The following POU6F2 variants were observed in gnomAD, a reference collection of about 807,000 sequenced individuals.
POU6F2 encodes POU class 6 homeobox 2.
POU6F2 carries 31 observed loss-of-function variants against 71.3 expected under a neutral mutation model. The observed-to-expected ratio is 0.43, with a 90% CI of 0.33 to 0.59. The LOEUF is 0.59. Ranked by LOEUF, POU6F2 falls within the 20% of genes least tolerant of loss-of-function variation. The pLI is 0.04. For missense variants in POU6F2, 783 were observed against 856.8 expected, an observed-to-expected ratio of 0.91 and a Z score of 1.07; for synonymous variants, 347 against 355.7, an observed-to-expected ratio of 0.98 and a Z score of 0.27.
chr7:39,009,329 G>C lies in POU6F2; in HGVS notation c.105+31271G>C, dbSNP rs1001192850. Among the ~76,000 whole-genome samples the C allele has an allele frequency of 4.6e-5, 7 of 151,868 alleles. No homozygotes were observed. The South Asian group carries it at 6.3e-4, about 14-fold the overall frequency. ...TCATGATTTGGCTCTCTGTTTGTCT[G>C]TTGTTGGTGTATAAGAATGCTTGTG... On this transcript the variant is annotated intron_variant, in intron 1 of 9. Transcript: ENST00000518318.
chr7:39,143,511 C>T (rs1792550465), intron 2 of POU6F2, among the ~76,000 whole-genome samples: 1 of 152,188 alleles, frequency 6.6e-6, no homozygotes. Flanking sequence ...TATTAAATAG[C>T]ATTCTATGCA....
chr7:39,438,409 T>C (rs756766003), intron 7 of POU6F2, among the ~76,000 whole-genome samples: 7 of 152,232 alleles, frequency 4.6e-5, no homozygotes, highest in African/African-American at 7.2e-5. Context: ...TAAACATACA[T>C]GTGCATGTGT....
intron 1 of POU6F2, among the ~76,000 whole-genome samples, chr7:39,079,472 C>G (rs1441069466): frequency 6.6e-6 from 1 of 152,118 alleles, no homozygotes; most frequent in African/African-American, 2.4e-5. Flanking sequence ...CCACCGTGCC[C>G]GGCCAAGTCT....
intron 5 of POU6F2, among the ~76,000 whole-genome samples, chr7:39,378,363 A>G (rs575723221): frequency 1.3e-5 from 2 of 152,090 alleles, no homozygotes; most frequent in Admixed American, 1.3e-4. Context: ...TTCCTTATCC[A>G]TGCTCCCCTG....
intron 5 of POU6F2, among the ~76,000 whole-genome samples, chr7:39,363,286 A>G (rs553958758): frequency 1.3e-5 from 2 of 152,280 alleles, no homozygotes; most frequent in South Asian, 4.1e-4. Context: ...GATGTCTGCA[A>G]CGATTTTGAC....
chr7:38,995,517 AG>A (rs1788711736), intron 1 of POU6F2, among the ~76,000 whole-genome samples: 1 of 148,664 alleles, frequency 6.7e-6, no homozygotes, highest in Non-Finnish European at 1.5e-5. Flanking sequence ...GAAAAAAAAG[AG>A]AGAGGACTAA....
chr7:39,218,457 T>TAA (rs555237156), intron 4 of POU6F2, among the ~76,000 whole-genome samples: 458 of 152,302 alleles, frequency 3.0e-3, no homozygotes, highest in Admixed American at 8.1e-3. Context: ...TATCTTCTCT[T>TAA]ACGTGTGTAA....
chr7:39,272,542 T>C (rs1784360364), intron 4 of POU6F2, among the ~76,000 whole-genome samples: 1 of 152,190 alleles, frequency 6.6e-6, no homozygotes, highest in Non-Finnish European at 1.5e-5. Flanking sequence ...TTAGCTCAAC[T>C]TTGGGAGTGG....
At chr7:39,304,381 C>T (rs1785012527) in intron 4 of POU6F2, among the ~76,000 whole-genome samples, 1 of 152,136 alleles carries the variant, frequency 6.6e-6, no homozygotes, top group Non-Finnish European at 1.5e-5. Flanking sequence ...GTCTCTTGGA[C>T]GTCTGAACAA....
intron 5 of POU6F2, among the ~76,000 whole-genome samples, chr7:39,376,528 G>A (rs2115774911): frequency 6.6e-6 from 1 of 152,220 alleles, no homozygotes; most frequent in East Asian, 1.9e-4. Context: ...AAAAGACTCG[G>A]TCCAGTCTGG....
At chr7:39,069,740 GA>G in intron 1 of POU6F2, among the ~76,000 whole-genome samples, 1 of 152,262 alleles carries the variant, frequency 6.6e-6, no homozygotes, top group South Asian at 2.1e-4. Context: ...AAATCTTAAG[GA>G]AAAGAAAATA....
At position 39,203,138 on chromosome 7, in the gene POU6F2, A is replaced by C. The variant is rs1793941262; in HGVS notation, c.278-1097A>C. ...TTTTCCCCCATTTCCATTATTTATA[A>C]GTCTGTCCCTTTGGAGAATATATAG... On this transcript the variant is annotated intron_variant, in intron 2 of 9. Coordinates refer to ENST00000518318, the MANE Select transcript of POU6F2 (RefSeq NM_001370959.1). Among the ~76,000 whole-genome samples the C allele has an allele frequency of 4.6e-5, 7 of 152,330 alleles. No homozygotes were observed. In the South Asian group the frequency reaches 1.5e-3, roughly 32 times the overall value.
rs182496326 is a variant in POU6F2 at position 39,188,642 on chromosome 7, C to T, written c.278-15593C>T. On this transcript the variant is annotated intron_variant, in intron 2 of 9. Coordinates refer to ENST00000518318, the MANE Select transcript of POU6F2 (RefSeq NM_001370959.1). ...TCTGATTTTTAGAGACTCTTTTTAT[C>T]TTCTAAGGGTTCTGGTTACGGGATT... is the stretch of plus-strand genomic sequence containing the variant. Among the ~76,000 whole-genome samples, 255 of 152,288 alleles carry T rather than the reference C, an allele frequency of 1.7e-3. 1 individual carries two copies. The highest frequency in any genetic ancestry group is 5.7e-3 in the African/African-American group (238 of 41,566).
chr7:39,052,340 A>G lies in POU6F2; in HGVS notation c.106-33520A>G, dbSNP rs571979013. On this transcript the variant is annotated intron_variant, in intron 1 of 9. Coordinates refer to ENST00000518318, the MANE Select transcript of POU6F2 (RefSeq NM_001370959.1). The stretch of plus-strand genomic sequence containing the variant: ...TTCTCACATGGCTATGAAGAAATAC[A>G]TGAGACTGGGTAATTTATTAAGAAT... 7.9e-5 allele frequency among the ~76,000 whole-genome samples: 12 copies of G among 152,282 alleles called. No individual in the cohort carries two copies. In the East Asian group the frequency reaches 1.4e-3, roughly 17 times the overall value.
intron 5 of POU6F2, among the ~76,000 whole-genome samples, chr7:39,404,402 A>G (rs934977885): frequency 5.9e-5 from 9 of 152,256 alleles, no homozygotes; most frequent in Non-Finnish European, 8.8e-5. Flanking sequence ...ATAATTTCCT[A>G]TATGAATTTT....
At chr7:39,171,817 T>G (rs1430630142) in intron 2 of POU6F2, among the ~76,000 whole-genome samples, 1 of 152,212 alleles carries the variant, frequency 6.6e-6, no homozygotes, top group East Asian at 1.9e-4. Context: ...TCGTAACACA[T>G]CTAAGTGTTA....
intron 6 of POU6F2, among the ~76,000 whole-genome samples, chr7:39,419,730 C>T (rs1787807895): frequency 6.6e-6 from 1 of 152,112 alleles, no homozygotes; most frequent in Non-Finnish European, 1.5e-5. Flanking sequence ...CCTTGGCACT[C>T]GCATCTGTCT....
intron 2 of POU6F2, among the ~76,000 whole-genome samples, chr7:39,160,696 G>C (rs1792977675): frequency 6.6e-6 from 1 of 152,050 alleles, no homozygotes; most frequent in South Asian, 2.1e-4. Context: ...TGAAGACTTT[G>C]TTGATTAATT....
intron 4 of POU6F2, among the ~76,000 whole-genome samples, chr7:39,330,447 A>G (rs1308503644): frequency 6.6e-6 from 1 of 152,090 alleles, no homozygotes. Context: ...GTCAAGGATG[A>G]TAGCTTTTGT....
Sources: allele counts gnomAD v4.1 joint callset (sites outside exome capture counted in the v4.1 genomes callset), GRCh38; gene constraint gnomAD v4.1.1; transcripts MANE v1.5; gene names NCBI Gene and HGNC (gene_info 2026-07-23, HGNC 2026-07-21).